The following CNR1 variants were observed in gnomAD, a reference collection of about 807,000 sequenced individuals.
CNR1 encodes cannabinoid receptor 1 (brain).
CNR1 carries 10 observed loss-of-function variants against 23.0 expected under a neutral mutation model. The observed-to-expected ratio is 0.43, with a 90% CI of 0.27 to 0.74. The LOEUF (loss-of-function observed/expected upper bound fraction) is 0.74. Among genes scored for constraint, CNR1 ranks in the 30% least tolerant of loss-of-function variants. The probability of loss-of-function intolerance (pLI) is 0.19; values close to 1 mark genes in which losing one functional copy is unlikely to be tolerated. For missense variants in CNR1, 422 were observed against 618.8 expected (o/e 0.68, Z 3.37); for synonymous variants, 271 against 255.2 (o/e 1.06, Z -0.59).
chr6:88,143,962 T>C lies in CNR1; in HGVS notation c.1313A>G (p.Asn438Ser), dbSNP rs1365175631. Residue 438 changes from asparagine to serine, a missense_variant, in exon 2 of 2, where the codon AAT becomes AGT. Physicochemically the swap from Asn to Ser is conservative, Grantham distance 46. This residue lies in a region of CNR1 where 79 missense variants were observed against 98.0 expected (regional missense o/e 0.81). Transcript: ENST00000369501. ...TGCGGCCCTGTGAACACTGGCTGCATTGTTTGCGTGTTTGTGCAGGCAGTC... is the reference window on the plus strand; with the variant it reads ...TGCGGCCCTGTGAACACTGGCTGCACTGTTTGCGTGTTTGTGCAGGCAGTC... ...DSDCLHKHAN[N>S]AASVHRAAES... 2 of 1,614,106 alleles carry C rather than the reference T, an allele frequency of 1.2e-6. No individual in the cohort carries two copies. The highest frequency in any genetic ancestry group is 2.2e-5 in the South Asian group (2 of 91,066).
chr6:88,147,425 T>G (rs1254711330), intron 1 of CNR1, among the ~76,000 whole-genome samples: 2 of 152,228 alleles, frequency 1.3e-5, no homozygotes, highest in African/African-American at 4.8e-5. Flanking sequence ...CAGGATGCTC[T>G]GGGGACACCC....
chr6:88,146,672 C>T (rs1255319812), intron 1 of CNR1, among the ~76,000 whole-genome samples: 1 of 152,104 alleles, frequency 6.6e-6, no homozygotes. Context: ...CTATTCATTT[C>T]TTTAGTTTAT....
At chr6:88,166,889 G>A (rs376939423), upstream of CNR1, among the ~76,000 whole-genome samples, 31 of 152,028 alleles carry the variant, frequency 2.0e-4, 1 homozygote, top group East Asian at 5.6e-3. Context: ...CGCTCCCGTG[G>A]CAGGCGGCAG....
At position 88,140,578 on chromosome 6, in the gene CNR1, T is replaced by C. The variant is rs1324080511; in HGVS notation, c.*3278A>G. On this transcript the variant is annotated 3_prime_UTR_variant, in exon 2 of 2. Transcript: ENST00000369501. ...GCCCAGCATTTAGGAGATTTTAAAA[T>C]ATCATACAAATATACAGTTAGAGTG... 1 of 152,756 alleles carries C rather than the reference T, an allele frequency of 6.5e-6. No homozygotes were observed. Among genetic ancestry groups the C allele is most frequent in the Non-Finnish European group, 1.5e-5 (1 of 68,050 alleles). The allele number at this position is 152,756 out of a possible 1,614,324, so 9.5% of individuals were successfully genotyped here. A position where few individuals can be genotyped will look rare whatever the true frequency, so the allele number is the denominator to read the frequency against.
At chr6:88,159,723 G>C (rs1777987585) in intron 1 of CNR1, among the ~76,000 whole-genome samples, 1 of 152,140 alleles carries the variant, frequency 6.6e-6, no homozygotes, top group Non-Finnish European at 1.5e-5. Flanking sequence ...AAATTGTCTA[G>C]CTTTCGTTTT....
At chr6:88,156,516 T>A (rs1004976689) in intron 1 of CNR1, among the ~76,000 whole-genome samples, 5 of 152,150 alleles carry the variant, frequency 3.3e-5, no homozygotes, top group African/African-American at 1.2e-4. Flanking sequence ...TAAAAACATA[T>A]AAAGGGAATA....
intron 1 of CNR1, among the ~76,000 whole-genome samples, chr6:88,161,749 A>G (rs1778119789): frequency 6.6e-6 from 1 of 152,214 alleles, no homozygotes; most frequent in South Asian, 2.1e-4. Flanking sequence ...TTGCTCTCAC[A>G]TCAAACAATT....
chr6:88,148,963 G>T (rs999322408), intron 1 of CNR1, among the ~76,000 whole-genome samples: 3 of 151,970 alleles, frequency 2.0e-5, no homozygotes, highest in East Asian at 1.9e-4. Flanking sequence ...AAAATTGAGG[G>T]TTTTTTTTAG....
At position 88,143,704 on chromosome 6, in the gene CNR1, A is replaced by C. The variant is rs1776959740; in HGVS notation, c.*152T>G. 2 of 657,288 alleles carry C rather than the reference A, an allele frequency of 3.0e-6. No homozygotes were observed. The highest frequency in any genetic ancestry group is 1.8e-5 in the African/African-American group (1 of 55,528). The allele number at this position is 657,288 out of a possible 1,614,324, so 40.7% of individuals were successfully genotyped here. A position where few individuals can be genotyped will look rare whatever the true frequency, so the allele number is the denominator to read the frequency against. Reference sequence around the variant, plus strand: ...GTTTGAGTACCTAAACTATGGAAACATTAGCAAACTGATAAGTGATCATGG... The same window carrying C: ...GTTTGAGTACCTAAACTATGGAAACCTTAGCAAACTGATAAGTGATCATGG... On this transcript the variant is annotated 3_prime_UTR_variant, in exon 2 of 2. Transcript: ENST00000369501.
chr6:88,150,688 G>A (rs1409499378), intron 1 of CNR1, among the ~76,000 whole-genome samples: 1 of 152,170 alleles, frequency 6.6e-6, no homozygotes, highest in East Asian at 1.9e-4. Flanking sequence ...AGTCACTCAG[G>A]ACCAGTAAGC....
chr6:88,167,257 C>T (rs901402881), upstream of CNR1, among the ~76,000 whole-genome samples: 1 of 152,082 alleles, frequency 6.6e-6, no homozygotes, highest in African/African-American at 2.4e-5. Context: ...GGGGCGGCAG[C>T]GGCGGGCGCC....
At chr6:88,158,341 A>C (rs1777911262) in intron 1 of CNR1, among the ~76,000 whole-genome samples, 1 of 152,242 alleles carries the variant, frequency 6.6e-6, no homozygotes, top group Admixed American at 6.5e-5. Context: ...CCAGGAACTG[A>C]AAAGTGTTCA....
At chr6:88,166,394 G>A (rs536695130), upstream of CNR1, 1 of 152,496 alleles carries the variant, frequency 6.6e-6, no homozygotes, top group Non-Finnish European at 1.5e-5. Context: ...GTCCCATCAC[G>A]TGTTAATGAG....
chr6:88,147,023 T>G (rs189458271), intron 1 of CNR1, among the ~76,000 whole-genome samples: 57 of 152,274 alleles, frequency 3.7e-4, no homozygotes, highest in African/African-American at 1.4e-3. Context: ...CCGGGCACAG[T>G]AGTTCATGCC....
Position 88,145,306 on chromosome 6 carries a change from A to G in CNR1, c.-32T>C, listed in dbSNP as rs1777119243. On this transcript the variant is annotated 5_prime_UTR_variant, in exon 2 of 2. Transcript: ENST00000369501. ...AGTCTTTGATTAGGCTGAGCTCAAAATGACTGAGAAAGTGACCCACAGGGG... is the reference window on the plus strand; with the variant it reads ...AGTCTTTGATTAGGCTGAGCTCAAAGTGACTGAGAAAGTGACCCACAGGGG... The G allele has an allele frequency of 6.4e-7, 1 of 1,562,312 alleles. No individual in the cohort carries two copies. The highest frequency in any genetic ancestry group is 1.4e-5 in the African/African-American group (1 of 73,536).
In CNR1 at chr6:88,141,596, C is replaced by T. The variant is rs1242800960; in HGVS notation, c.*2260G>A. On this transcript the variant is annotated 3_prime_UTR_variant, in exon 2 of 2. Coordinates refer to ENST00000369501, the MANE Select transcript of CNR1 (RefSeq NM_016083.6). ...GATGCAGGACAAAAGACTGGCAATT[C>T]TTAAATGCAAACTAAACCCTGGTGA... 1 of 152,382 alleles carries T rather than the reference C, an allele frequency of 6.6e-6. No individual in the cohort carries two copies. Among genetic ancestry groups the T allele is most frequent in the Non-Finnish European group, 1.5e-5 (1 of 68,048 alleles). 9.4% of individuals were successfully genotyped at this position (152,382 alleles called of 1,614,324 possible).
chr6:88,158,490 T>C (rs934796276), intron 1 of CNR1, among the ~76,000 whole-genome samples: 3 of 152,192 alleles, frequency 2.0e-5, no homozygotes, highest in Non-Finnish European at 2.9e-5. Context: ...CTATAGGTCA[T>C]TGGCTCTCAA....
intron 1 of CNR1, among the ~76,000 whole-genome samples, chr6:88,149,309 T>C (rs998148623): frequency 6.6e-6 from 1 of 152,210 alleles, no homozygotes; most frequent in Non-Finnish European, 1.5e-5. Context: ...GTATCCTTAG[T>C]ATCCTTAGGT....
At chr6:88,164,576 G>A (rs1778271617) in intron 1 of CNR1, among the ~76,000 whole-genome samples, 1 of 152,274 alleles carries the variant, frequency 6.6e-6, no homozygotes, top group East Asian at 1.9e-4. Context: ...GAGCGGGGGA[G>A]GGGGAGGAGT....
Sources: allele counts gnomAD v4.1 joint callset (sites outside exome capture counted in the v4.1 genomes callset), GRCh38; gene constraint gnomAD v4.1.1; regional missense constraint gnomAD v4.1.1; transcripts MANE v1.5; gene names NCBI Gene and HGNC (gene_info 2026-07-23, HGNC 2026-07-21).